Variants in CATSPERB observed in about 807,000 individuals in gnomAD.
The protein encoded by CATSPERB is catsper channel auxiliary subunit beta.
In CATSPERB, 93 loss-of-function variants were observed where a neutral mutation model predicts 128.3. The observed-to-expected ratio is 0.72, with a 90% CI of 0.61 to 0.86. The LOEUF is 0.86. Ranked by LOEUF, CATSPERB falls within the 40% of genes least tolerant of loss-of-function variation. CATSPERB has a pLI of 0.00. For missense variants in CATSPERB, 1,153 were observed against 1,329.5 expected (o/e 0.87, Z 2.06); for synonymous variants, 381 against 448.8 (o/e 0.85, Z 1.91).
chr14:91,582,467 G>A (rs1893221553), intron 26 of CATSPERB, among the ~76,000 whole-genome samples: 1 of 152,206 alleles, frequency 6.6e-6, no homozygotes, highest in African/African-American at 2.4e-5. Flanking sequence ...TGGGTCGCCG[G>A]TGAAACCTGA....
Position 91,621,818 on chromosome 14 carries a change from G to T in CATSPERB, c.2050C>A (p.Pro684Thr). ...GTCATATTGTTGGGTGCACTTTCAG[G>T]CATGGTAGCAATGGCTAATGCATTC... Reference protein sequence around the residue: ...NKNALAIATMPESAPNNMTFL... With the variant: ...NKNALAIATMTESAPNNMTFL... Residue 684 changes from proline (P) to threonine (T), a missense_variant, in exon 19 of 27, where the codon CCT becomes ACT. Transcript: ENST00000256343. The T allele has an allele frequency of 1.2e-6, 2 of 1,614,082 alleles. No individual in the cohort carries two copies. The highest frequency in any genetic ancestry group is 8.5e-7 in the Non-Finnish European group (1 of 1,179,954).
chr14:91,726,172 G>A (rs1486169047), intron 2 of CATSPERB, among the ~76,000 whole-genome samples: 4 of 152,128 alleles, frequency 2.6e-5, no homozygotes, highest in Non-Finnish European at 5.9e-5. Flanking sequence ...CCTGGATGCT[G>A]GACAAGGACC....
At chr14:91,698,411 T>G (rs1021121413) in intron 7 of CATSPERB, among the ~76,000 whole-genome samples, 1 of 152,188 alleles carries the variant, frequency 6.6e-6, no homozygotes, top group Non-Finnish European at 1.5e-5. Context: ...TTGCTCTGGC[T>G]AGGACTTCCA....
At position 91,674,727 on chromosome 14, in the gene CATSPERB, A is replaced by G. The variant is rs183239743; in HGVS notation, c.932-505T>C. Among the ~76,000 whole-genome samples the G allele has an allele frequency of 7.8e-3, 1,189 of 152,266 alleles. 8 individuals carry two copies. Among genetic ancestry groups the G allele is most frequent in the Non-Finnish European group, 0.012 (850 of 68,024 alleles). On this transcript the variant is annotated intron_variant, in intron 11 of 26. Transcript: ENST00000256343. ...TAGAAGTTCCAGGGGCTAATTTTGAAACAAATCAGACATGGAGACTCAGTT... is the reference window on the plus strand; with the variant it reads ...TAGAAGTTCCAGGGGCTAATTTTGAGACAAATCAGACATGGAGACTCAGTT...
chr14:91,698,816 T>C (rs61988228), intron 7 of CATSPERB, among the ~76,000 whole-genome samples: 47,666 of 152,072 alleles, frequency 0.31, 7,721 homozygotes, highest in South Asian at 0.49. Flanking sequence ...GTAGTGTACA[T>C]TGTACCTAAT....
rs190584879 is a variant in CATSPERB, at chr14:91,661,356, T to C, written c.1288-1375A>G. Among the ~76,000 whole-genome samples the C allele has an allele frequency of 3.9e-5, 6 of 152,172 alleles. No individual in the cohort carries two copies. The East Asian group carries it at 1.2e-3, about 29-fold the overall frequency. ...ACTTATGGATATACCATACTTGAGA[T>C]AGTCTACTTTTCTACTATACTACTG... On this transcript the variant is annotated intron_variant, in intron 14 of 26. Transcript: ENST00000256343.
intron 18 of CATSPERB, among the ~76,000 whole-genome samples, chr14:91,623,001 TCTCCTGCCTCAGC>T (rs1305319646): frequency 2.0e-5 from 3 of 151,590 alleles, no homozygotes; most frequent in Non-Finnish European, 4.4e-5. Flanking sequence ...TTCAAACAAT[TCTCCTGCCTCAGC>T]CTCCCAAGTA....
At chr14:91,616,729 T>TCC (rs34626665) in intron 20 of CATSPERB, among the ~76,000 whole-genome samples, 33 of 101,164 alleles carry the variant, frequency 3.3e-4, no homozygotes, top group African/African-American at 1.1e-3. Context: ...TTTAAAGTAT[T>TCC]CCCCTTTTTT....
At chr14:91,717,342 T>G (rs1474708727) in intron 5 of CATSPERB, among the ~76,000 whole-genome samples, 2 of 152,210 alleles carry the variant, frequency 1.3e-5, no homozygotes, top group East Asian at 3.8e-4. Flanking sequence ...AAAAGGATGT[T>G]TCATAGAATG....
chr14:91,681,426 C>T (rs553943497), intron 11 of CATSPERB, among the ~76,000 whole-genome samples: 7 of 152,206 alleles, frequency 4.6e-5, no homozygotes, highest in African/African-American at 1.7e-4. Flanking sequence ...ATTGCATTGC[C>T]AAAATATGTC....
intron 22 of CATSPERB, among the ~76,000 whole-genome samples, chr14:91,598,369 TACTC>T (rs895765956): frequency 6.6e-5 from 10 of 152,036 alleles, no homozygotes; most frequent in South Asian, 2.1e-4. Context: ...TATTGGAAAA[TACTC>T]AATGAGATAT....
intron 9 of CATSPERB, among the ~76,000 whole-genome samples, chr14:91,692,385 C>T (rs1032583666): frequency 2.5e-4 from 38 of 152,188 alleles, no homozygotes; most frequent in African/African-American, 9.2e-4. Flanking sequence ...TTGTAGCGTT[C>T]CTGGTTTCAA....
intron 25 of CATSPERB, among the ~76,000 whole-genome samples, chr14:91,587,653 C>T (rs542520749): frequency 3.6e-4 from 54 of 152,046 alleles, no homozygotes; most frequent in South Asian, 2.5e-3. Flanking sequence ...TTTTTATGGG[C>T]AGCTGGAACC....
chr14:91,705,964 GA>G lies in CATSPERB; in HGVS notation c.467-1264del, dbSNP rs11411160. On this transcript the variant is annotated intron_variant, in intron 6 of 26. Coordinates refer to ENST00000256343, the MANE Select transcript of CATSPERB (RefSeq NM_024764.4). ...TTTTTTTTCTTTTAGAAAAAAATGA[GA>G]AAAAAAAGAGTACAAAAAGTAAGCC... is the stretch of plus-strand genomic sequence containing the variant. 4.6e-3 allele frequency among the ~76,000 whole-genome samples: 692 copies of G among 151,568 alleles called. 2 individuals carry two copies. The highest frequency in any genetic ancestry group is 5.3e-3 in the Non-Finnish European group (359 of 67,824).
chr14:91,604,518 C>T, intron 22 of CATSPERB: 3 of 1,604,368 alleles, frequency 1.9e-6, no homozygotes, highest in Non-Finnish European at 2.5e-6. Context: ...CCAGCAGCTT[C>T]CAAGGCAGCC....
chr14:91,656,851 A>C (rs1566720493), intron 15 of CATSPERB, among the ~76,000 whole-genome samples: 1 of 152,176 alleles, frequency 6.6e-6, no homozygotes, highest in Non-Finnish European at 1.5e-5. Context: ...AAAAGAGAGC[A>C]GAAGTCACTA....
chr14:91,629,475 T>C (rs188956885), intron 17 of CATSPERB, among the ~76,000 whole-genome samples: 13 of 152,252 alleles, frequency 8.5e-5, no homozygotes, highest in Non-Finnish European at 1.8e-4. Context: ...TTCAAACCCA[T>C]TGAATTTGCA....
At chr14:91,713,675 T>C (rs1895881782) in intron 5 of CATSPERB, among the ~76,000 whole-genome samples, 1 of 152,138 alleles carries the variant, frequency 6.6e-6, no homozygotes, top group Non-Finnish European at 1.5e-5. Context: ...AATGAATGTG[T>C]ATTTAAAATC....
chr14:91,628,097 T>G (rs528046378), intron 17 of CATSPERB, among the ~76,000 whole-genome samples: 1 of 152,336 alleles, frequency 6.6e-6, no homozygotes, highest in Non-Finnish European at 1.5e-5. Context: ...TTCCTTAATT[T>G]CCTTCAGCTC....
Sources: allele counts gnomAD v4.1 joint callset (sites outside exome capture counted in the v4.1 genomes callset), GRCh38; gene constraint gnomAD v4.1.1; transcripts MANE v1.5; gene names NCBI Gene and HGNC (gene_info 2026-07-23, HGNC 2026-07-21).